Variants in PTPRD observed in about 807,000 individuals in gnomAD.
PTPRD encodes the protein protein tyrosine phosphatase receptor type D.
PTPRD carries 34 observed loss-of-function variants against 214.5 expected under a neutral mutation model. The observed-to-expected ratio is 0.16, with a 90% CI of 0.12 to 0.21. PTPRD has a LOEUF of 0.21. Ranked by LOEUF, PTPRD falls within the 10% of genes least tolerant of loss-of-function variation. The pLI, the probability that PTPRD is intolerant of heterozygous loss-of-function variation, is 1.00. For missense variants in PTPRD, 2,545 were observed against 2,398.7 expected (o/e 1.06, Z -1.27); for synonymous variants, 1,128 against 845.7 (o/e 1.33, Z -5.79).
chr9:9,328,874 G>C (rs1288423300), intron 9 of PTPRD, among the ~76,000 whole-genome samples: 1 of 151,554 alleles, frequency 6.6e-6, no homozygotes, highest in Non-Finnish European at 1.5e-5. Context: ...CTGACCTCAA[G>C]TTACTCACTT....
intron 5 of PTPRD, among the ~76,000 whole-genome samples, chr9:9,821,272 GAAACTTTA>G (rs1437450687): frequency 1.4e-4 from 21 of 152,264 alleles, no homozygotes; most frequent in Non-Finnish European, 2.4e-4. Context: ...TTTGTACCCT[GAAACTTTA>G]CTGAAGTCAG....
At chr9:9,031,966 G>A (rs1038923609) in intron 10 of PTPRD, among the ~76,000 whole-genome samples, 1 of 151,838 alleles carries the variant, frequency 6.6e-6, no homozygotes. Flanking sequence ...ATTTATTAAG[G>A]ATAATCACAT....
intron 5 of PTPRD, among the ~76,000 whole-genome samples, chr9:9,845,410 G>A (rs1294807070): frequency 6.6e-6 from 1 of 151,564 alleles, no homozygotes; most frequent in Admixed American, 6.6e-5. Context: ...GACCACCAGG[G>A]CATAGATTAG....
intron 11 of PTPRD, among the ~76,000 whole-genome samples, chr9:8,987,095 C>A (rs2099348427): frequency 6.6e-6 from 1 of 152,100 alleles, no homozygotes; most frequent in Non-Finnish European, 1.5e-5. Flanking sequence ...ATTCATCCAC[C>A]TGTAGCATGT....
intron 5 of PTPRD, among the ~76,000 whole-genome samples, chr9:9,901,446 CT>C (rs1280431589): frequency 2.0e-5 from 3 of 151,840 alleles, no homozygotes; most frequent in Admixed American, 6.6e-5. Flanking sequence ...TTTCATTATG[CT>C]TTTACAAAAG....
chr9:9,671,730 G>T (rs1191362325), intron 7 of PTPRD, among the ~76,000 whole-genome samples: 1 of 152,010 alleles, frequency 6.6e-6, no homozygotes, highest in African/African-American at 2.4e-5. Flanking sequence ...CTCATTTTCT[G>T]TTGCCACCAC....
At chr9:9,443,745 T>A (rs1311787505) in intron 8 of PTPRD, among the ~76,000 whole-genome samples, 2 of 152,172 alleles carry the variant, frequency 1.3e-5, no homozygotes, top group African/African-American at 4.8e-5. Context: ...AGTTCCCAAC[T>A]GATCTAGTTG....
At chr9:9,257,022 TTC>T (rs1171415408) in intron 9 of PTPRD, among the ~76,000 whole-genome samples, 6 of 152,056 alleles carry the variant, frequency 3.9e-5, no homozygotes, top group Non-Finnish European at 8.8e-5. Context: ...TGTTCCCTCT[TTC>T]TCTCTCTGTG....
At chr9:10,093,043 C>G (rs1214546111) in intron 3 of PTPRD, among the ~76,000 whole-genome samples, 4 of 151,316 alleles carry the variant, frequency 2.6e-5, no homozygotes, top group Non-Finnish European at 5.9e-5. Flanking sequence ...TTGGCTTTGG[C>G]AAATAATTTA....
At chr9:8,423,003 G>A (rs72691081) in intron 35 of PTPRD, among the ~76,000 whole-genome samples, 27,013 of 152,058 alleles carry the variant, frequency 0.18, 2,618 homozygotes, top group Non-Finnish European at 0.22. Context: ...GTTGTAGAAC[G>A]GCAATAGAAG....
chr9:8,607,558 G>C (rs1029376991), intron 14 of PTPRD, among the ~76,000 whole-genome samples: 3 of 152,128 alleles, frequency 2.0e-5, no homozygotes, highest in African/African-American at 4.8e-5. Context: ...CAGGAGAATT[G>C]CTTGAGCCCG....
chr9:9,195,556 T>C (rs186411271), intron 9 of PTPRD, among the ~76,000 whole-genome samples: 1 of 152,206 alleles, frequency 6.6e-6, no homozygotes, highest in East Asian at 1.9e-4. Flanking sequence ...TTTTGAAATT[T>C]TGGTACTTTT....
intron 2 of PTPRD, among the ~76,000 whole-genome samples, chr9:10,578,593 G>A (rs2070448980): frequency 6.6e-6 from 1 of 152,114 alleles, no homozygotes; most frequent in South Asian, 2.1e-4. Context: ...AAAAAAGATT[G>A]ACCAATAACT....
intron 3 of PTPRD, among the ~76,000 whole-genome samples, chr9:10,312,995 T>C (rs1404327920): frequency 6.6e-6 from 1 of 151,862 alleles, no homozygotes; most frequent in African/African-American, 2.4e-5. Context: ...TATGAAAACA[T>C]AGTGGTTGAA....
At chr9:8,520,052 G>C (rs1324632519) in intron 20 of PTPRD, among the ~76,000 whole-genome samples, 3 of 152,068 alleles carry the variant, frequency 2.0e-5, no homozygotes, top group Non-Finnish European at 4.4e-5. Context: ...TTCTGACCTG[G>C]CATTTTTCAA....
At chr9:8,860,569 G>T (rs1566682754) in intron 11 of PTPRD, 1 of 152,130 alleles carries the variant, frequency 6.6e-6, no homozygotes, top group Non-Finnish European at 1.5e-5. Context: ...AAATAGAGAA[G>T]CCAAAGTTTC....
chr9:10,119,732 T>C (rs1046436105), intron 3 of PTPRD, among the ~76,000 whole-genome samples: 3 of 152,008 alleles, frequency 2.0e-5, no homozygotes, highest in Admixed American at 1.3e-4. Flanking sequence ...AGGGAAATCA[T>C]CGTCTTCTGT....
At chr9:9,265,315 G>A (rs554594068) in intron 9 of PTPRD, among the ~76,000 whole-genome samples, 6 of 151,634 alleles carry the variant, frequency 4.0e-5, no homozygotes, top group Non-Finnish European at 8.9e-5. Context: ...AGGCCAGACT[G>A]CAGTGGCATA....
intron 3 of PTPRD, among the ~76,000 whole-genome samples, chr9:10,071,521 G>A (rs1020827370): frequency 6.6e-6 from 1 of 152,016 alleles, no homozygotes; most frequent in Non-Finnish European, 1.5e-5. Context: ...CTTCAGTGGA[G>A]AAAATCATTA....
Sources: allele counts gnomAD v4.1 joint callset (sites outside exome capture counted in the v4.1 genomes callset), GRCh38; gene constraint gnomAD v4.1.1; transcripts MANE v1.5; gene names NCBI Gene and HGNC (gene_info 2026-07-23, HGNC 2026-07-21).